The following PPP4R4 variants were observed in gnomAD, a reference collection of about 807,000 sequenced individuals.
PPP4R4 encodes the protein protein phosphatase 4 regulatory subunit 4.
PPP4R4 carries 70 observed loss-of-function variants against 121.8 expected under a neutral mutation model. The observed-to-expected ratio is 0.57, with a 90% CI of 0.47 to 0.70. The LOEUF (loss-of-function observed/expected upper bound fraction) is 0.70, where lower values mean the gene tolerates loss of function less well. Among genes scored for constraint, PPP4R4 ranks in the 30% least tolerant of loss-of-function variants. PPP4R4 has a pLI of 0.00. For synonymous variants in PPP4R4, 348 were observed against 355.7 expected, an observed-to-expected ratio of 0.98 and a Z score of 0.24; for missense variants, 875 against 1,033.6, an observed-to-expected ratio of 0.85 and a Z score of 2.10.
Position 94,278,736 on chromosome 14 carries a change from T to G in PPP4R4, c.*93T>G, listed in dbSNP as rs1379348264. The G allele has an allele frequency of 3.5e-5, 45 of 1,285,970 alleles. No individual in the cohort carries two copies. In the Middle Eastern group the frequency reaches 1.4e-3, roughly 39 times the overall value. The allele number at this position is 1,285,970 out of a possible 1,614,324, so 79.7% of individuals were successfully genotyped here. A position where few individuals can be genotyped will look rare whatever the true frequency, so the allele number is the denominator to read the frequency against. On this transcript the variant is annotated 3_prime_UTR_variant, in exon 25 of 25. Transcript: ENST00000304338. Reference sequence around the variant, plus strand: ...AAAGCAGTGGCTGGGGCTTTGTTTTTAAATTTTGGGTTTTTTTTTTTGTTG... The same window carrying G: ...AAAGCAGTGGCTGGGGCTTTGTTTTGAAATTTTGGGTTTTTTTTTTTGTTG...
intron 3 of PPP4R4, among the ~76,000 whole-genome samples, chr14:94,217,187 G>C (rs574440351): frequency 6.6e-6 from 1 of 152,320 alleles, no homozygotes; most frequent in South Asian, 2.1e-4. Flanking sequence ...GAAGGGACAA[G>C]AGTGTGGAGA....
chr14:94,231,127 T>A, intron 4 of PPP4R4, 115 bp from the exon 5 acceptor site: 1 of 784,882 alleles, frequency 1.3e-6, no homozygotes, highest in South Asian at 2.6e-5. Context: ...AGAATAGTAA[T>A]GAAAATAATT....
rs1893999270 is a variant in PPP4R4, at chr14:94,265,485, CT to C, written c.2284+14del. 4.4e-6 allele frequency: 7 copies of C among 1,582,480 alleles called. No individual in the cohort carries two copies. Among genetic ancestry groups the C allele is most frequent in the Non-Finnish European group, 6.1e-6 (7 of 1,152,500 alleles). On this transcript the variant is annotated intron_variant, in intron 21 of 24. Transcript: ENST00000304338. ...CACCCCATCGACAAGTAAGAAATAA[CT>C]TCTTTTTATATCTTTTTGTAATTTT... is the stretch of plus-strand genomic sequence containing the variant.
intron 3 of PPP4R4, chr14:94,227,282 C>G: frequency 6.2e-7 from 1 of 1,605,026 alleles, no homozygotes; most frequent in Non-Finnish European, 8.5e-7. Flanking sequence ...CAGTGTCTTC[C>G]AAGGTCCATG....
intron 2 of PPP4R4, among the ~76,000 whole-genome samples, chr14:94,201,305 G>A (rs1890165472): frequency 6.6e-6 from 1 of 152,136 alleles, no homozygotes; most frequent in Non-Finnish European, 1.5e-5. Context: ...TTCTTCAGTT[G>A]TTGGGTAGCA....
At chr14:94,267,250 T>C (rs1386868112) in intron 23 of PPP4R4, among the ~76,000 whole-genome samples, 2 of 152,098 alleles carry the variant, frequency 1.3e-5, no homozygotes, top group East Asian at 1.9e-4. Flanking sequence ...ACTTTTAAAA[T>C]AGAAAAAGAA....
At chr14:94,212,368 T>C (rs895590578) in intron 3 of PPP4R4, among the ~76,000 whole-genome samples, 2 of 152,138 alleles carry the variant, frequency 1.3e-5, no homozygotes, top group African/African-American at 4.8e-5. Flanking sequence ...GGTTGCTGTC[T>C]AGAATAACTA....
Position 94,278,662 on chromosome 14 carries a change from G to T in PPP4R4, c.*19G>T. 6.4e-7 allele frequency: 1 copy of T among 1,561,852 alleles called. No individual in the cohort carries two copies. On this transcript the variant is annotated 3_prime_UTR_variant, in exon 25 of 25. Coordinates refer to ENST00000304338, the MANE Select transcript of PPP4R4 (RefSeq NM_058237.2). Reference sequence around the variant, plus strand: ...TCCTTAAATCAACTGCTTGATGAAGGAGGCAAAACAAAGGCAGCAGGAGAT... The same window carrying T: ...TCCTTAAATCAACTGCTTGATGAAGTAGGCAAAACAAAGGCAGCAGGAGAT...
chr14:94,189,302 T>A (rs1889467109), intron 2 of PPP4R4, among the ~76,000 whole-genome samples: 1 of 152,202 alleles, frequency 6.6e-6, no homozygotes, highest in South Asian at 2.1e-4. Flanking sequence ...CAAGACCCCC[T>A]TTTAGTTTGA....
intron 3 of PPP4R4, among the ~76,000 whole-genome samples, chr14:94,220,779 A>G (rs1037506919): frequency 1.3e-5 from 2 of 152,218 alleles, no homozygotes; most frequent in Non-Finnish European, 2.9e-5. Context: ...TTCGTGGATC[A>G]GAAGACTCAA....
intron 7 of PPP4R4, among the ~76,000 whole-genome samples, chr14:94,236,689 A>G (rs79690655): frequency 0.019 from 2,914 of 152,286 alleles, 89 homozygotes; most frequent in African/African-American, 0.066. Flanking sequence ...CTCATTCATA[A>G]TAAACTTATT....
At chr14:94,210,095 T>A (rs537620480) in intron 3 of PPP4R4, among the ~76,000 whole-genome samples, 1 of 151,728 alleles carries the variant, frequency 6.6e-6, no homozygotes, top group East Asian at 1.9e-4. Context: ...TAAAGAAAAT[T>A]TTATACAAAT....
At chr14:94,230,784 G>T in intron 4 of PPP4R4, 50 bp downstream of exon 4, 1 of 1,524,172 alleles carries the variant, frequency 6.6e-7, no homozygotes, top group East Asian at 2.3e-5. Flanking sequence ...GTTTTTTTGT[G>T]TATGGCCATG....
intron 23 of PPP4R4, among the ~76,000 whole-genome samples, chr14:94,271,379 A>G (rs574236840): frequency 6.6e-6 from 1 of 152,370 alleles, no homozygotes; most frequent in Non-Finnish European, 1.5e-5. Context: ...CCCTTAATGT[A>G]ATACATCACA....
chr14:94,178,865 CAT>C (rs1055201841), intron 2 of PPP4R4, among the ~76,000 whole-genome samples: 15 of 152,158 alleles, frequency 9.9e-5, no homozygotes, highest in Non-Finnish European at 4.4e-5. Flanking sequence ...GTACTTAAAA[CAT>C]GTGAGTGATT....
intron 5 of PPP4R4, among the ~76,000 whole-genome samples, chr14:94,232,479 T>C: frequency 6.6e-6 from 1 of 152,240 alleles, no homozygotes; most frequent in East Asian, 1.9e-4. Flanking sequence ...GAATGTAATA[T>C]AGACATGTGA....
At chr14:94,177,473 G>A (rs1413408929) in intron 2 of PPP4R4, among the ~76,000 whole-genome samples, 1 of 152,172 alleles carries the variant, frequency 6.6e-6, no homozygotes, top group Admixed American at 6.6e-5. Flanking sequence ...AACAATAGAT[G>A]TCAACATTTG....
chr14:94,236,206 C>A (rs1457730941), intron 7 of PPP4R4, among the ~76,000 whole-genome samples: 1 of 151,788 alleles, frequency 6.6e-6, no homozygotes, highest in African/African-American at 2.4e-5. Flanking sequence ...TTTTAATGCC[C>A]AGAGATAATT....
At chr14:94,241,112 A>G (rs950855823) in intron 9 of PPP4R4, among the ~76,000 whole-genome samples, 2 of 152,152 alleles carry the variant, frequency 1.3e-5, no homozygotes, top group Admixed American at 1.3e-4. Context: ...TGTACGTAGT[A>G]AGTATACACT....
Sources: allele counts gnomAD v4.1 joint callset (sites outside exome capture counted in the v4.1 genomes callset), GRCh38; gene constraint gnomAD v4.1.1; transcripts MANE v1.5; gene names NCBI Gene and HGNC (gene_info 2026-07-23, HGNC 2026-07-21).